The following DENND1B variants were observed in gnomAD, a reference collection of about 807,000 sequenced individuals.
DENND1B encodes the protein DENN domain containing 1B, also known as DENN domain-containing protein 1B.
In DENND1B, 59 loss-of-function variants were observed where a neutral mutation model predicts 90.1. The observed-to-expected ratio is 0.65, with a 90% confidence interval of 0.53 to 0.81. The LOEUF (loss-of-function observed/expected upper bound fraction) is 0.81, where lower values mean the gene tolerates loss of function less well. Among genes scored for constraint, DENND1B ranks in the 40% least tolerant of loss-of-function variants. DENND1B has a pLI of 0.00. For synonymous variants in DENND1B, 337 were observed against 324.6 expected (o/e 1.04, Z -0.41); for missense variants, 862 against 912.6 (o/e 0.94, Z 0.71).
Position 197,595,381 on chromosome 1 carries a change from C to T in DENND1B, c.922-48G>A, listed in dbSNP as rs926987157. On this transcript the variant is annotated intron_variant, in intron 13 of 22. Transcript: ENST00000620048. Reference sequence around the variant, plus strand: ...TAAATTAACACCTCAGAAATTGGTACAGCGAGGTAGGAACCCAATCAGCAG... The same window carrying T: ...TAAATTAACACCTCAGAAATTGGTATAGCGAGGTAGGAACCCAATCAGCAG... 2.5e-6 allele frequency: 4 copies of T among 1,597,660 alleles called. No homozygotes were observed. The African/African-American group carries it at 4.0e-5, about 16-fold the overall frequency.
chr1:197,638,814 C>T (rs961304601), intron 10 of DENND1B, among the ~76,000 whole-genome samples: 1 of 152,036 alleles, frequency 6.6e-6, no homozygotes, highest in Non-Finnish European at 1.5e-5. Context: ...TTACCAGAAA[C>T]CGTTCCATGT....
In DENND1B at chr1:197,555,589, G is replaced by C. The variant is rs150470344; in HGVS notation, c.1150-2477C>G. Among the ~76,000 whole-genome samples, 896 of 152,092 alleles carry C rather than the reference G, an allele frequency of 5.9e-3. 13 individuals are homozygous for C. The highest frequency in any genetic ancestry group is 0.02 in the African/African-American group (839 of 41,538). On this transcript the variant is annotated intron_variant, in intron 15 of 22. Transcript: ENST00000620048. ...CTCAAAAGAAGATATAAGTGGCCAA[G>C]AAACATATGAAAGAATGCTCAACAT...
chr1:197,740,255 C>A (rs576818353), intron 2 of DENND1B, among the ~76,000 whole-genome samples: 1 of 152,158 alleles, frequency 6.6e-6, no homozygotes, highest in South Asian at 2.1e-4. Flanking sequence ...GATGTTGTTC[C>A]AGGGATAGCA....
At chr1:197,631,780 T>C (rs983617771) in intron 10 of DENND1B, among the ~76,000 whole-genome samples, 16 of 152,022 alleles carry the variant, frequency 1.1e-4, no homozygotes, top group Admixed American at 3.3e-4. Flanking sequence ...CTGTTTAACA[T>C]ACATGTGTAT....
rs1357803155 is a variant in DENND1B at position 197,506,422 on chromosome 1, CT to C, written c.*4037del. ...ACATTAAGAAGTGCTTTGGAGGAAA[CT>C]AGATTTGGGGATTCATTTTACATTC... On this transcript the variant is annotated 3_prime_UTR_variant, in exon 23 of 23. Coordinates refer to ENST00000620048, the MANE Select transcript of DENND1B (RefSeq NM_001195215.2). 4 of 151,438 alleles carry C rather than the reference CT, an allele frequency of 2.6e-5. No homozygotes were observed. The highest frequency in any genetic ancestry group is 5.9e-5 in the Non-Finnish European group (4 of 67,600). 9.4% of individuals were successfully genotyped at this position (151,438 alleles called of 1,614,324 possible).
intron 3 of DENND1B, among the ~76,000 whole-genome samples, chr1:197,692,980 A>C (rs901572023): frequency 6.6e-6 from 1 of 151,754 alleles, no homozygotes; most frequent in Admixed American, 6.6e-5. Context: ...AATTAAAAAC[A>C]TCATCTTCCC....
At chr1:197,616,029 A>C (rs1013251031) in intron 11 of DENND1B, among the ~76,000 whole-genome samples, 1 of 151,076 alleles carries the variant, frequency 6.6e-6, no homozygotes, top group African/African-American at 2.4e-5. Context: ...ATTTCTAAAT[A>C]ACATTTTAGA....
At chr1:197,616,914 C>A (rs931661364) in intron 11 of DENND1B, among the ~76,000 whole-genome samples, 3 of 150,586 alleles carry the variant, frequency 2.0e-5, no homozygotes, top group African/African-American at 7.3e-5. Context: ...GATAACATTT[C>A]CCCCCCTAGT....
Position 197,651,029 on chromosome 1 carries a change from T to C in DENND1B, c.447+1206A>G, listed in dbSNP as rs370553248. 3.9e-5 allele frequency among the ~76,000 whole-genome samples: 6 copies of C among 152,054 alleles called. No individual in the cohort carries two copies. In the East Asian group the frequency reaches 9.7e-4, roughly 24 times the overall value. On this transcript the variant is annotated intron_variant, in intron 7 of 22. Transcript: ENST00000620048. ...AATAACTTATGGAAAAATTAAAAAA[T>C]TAATTAATTTTTAAAAAGAAGAAAG...
At chr1:197,655,413 T>C (rs754382231) in intron 6 of DENND1B, among the ~76,000 whole-genome samples, 4 of 152,200 alleles carry the variant, frequency 2.6e-5, no homozygotes, top group Non-Finnish European at 5.9e-5. Context: ...TACAACCCAG[T>C]GTAAATGCTC....
chr1:197,666,001 A>C (rs889492903), intron 5 of DENND1B, among the ~76,000 whole-genome samples: 1 of 152,178 alleles, frequency 6.6e-6, no homozygotes, highest in Non-Finnish European at 1.5e-5. Context: ...ATGCTTCAGT[A>C]TAAAGGCACT....
At chr1:197,659,372 G>C (rs138381878) in intron 5 of DENND1B, among the ~76,000 whole-genome samples, 91 of 151,904 alleles carry the variant, frequency 6.0e-4, no homozygotes, top group Non-Finnish European at 1.1e-3. Context: ...ACTGAAAGTA[G>C]TAATAAAAGA....
chr1:197,734,600 C>T (rs1298208243), intron 2 of DENND1B: 2 of 981,588 alleles, frequency 2.0e-6, no homozygotes, highest in Non-Finnish European at 2.4e-6. Context: ...GACTGCAATA[C>T]ATTACATTCG....
intron 10 of DENND1B, among the ~76,000 whole-genome samples, 181 bp from the exon 11 acceptor site, chr1:197,617,940 T>C (rs1677809973): frequency 1.3e-5 from 2 of 151,162 alleles, no homozygotes; most frequent in Non-Finnish European, 3.0e-5. Context: ...CTCTGAAACA[T>C]ATATAAACAG....
chr1:197,562,960 C>T (rs1262128922), intron 15 of DENND1B, among the ~76,000 whole-genome samples: 1 of 151,880 alleles, frequency 6.6e-6, no homozygotes, highest in Non-Finnish European at 1.5e-5. Context: ...TTCCCCTAAG[C>T]CAAAGACTAA....
chr1:197,714,875 TC>T (rs1452677059), intron 3 of DENND1B, among the ~76,000 whole-genome samples, 155 bp downstream of exon 3: 2 of 152,138 alleles, frequency 1.3e-5, no homozygotes, highest in Non-Finnish European at 2.9e-5. Context: ...TTCCATATAT[TC>T]CGCACACATG....
intron 1 of DENND1B, 141 bp downstream of exon 1, chr1:197,774,998 C>T: frequency 4.6e-6 from 2 of 431,522 alleles, no homozygotes; most frequent in Non-Finnish European, 7.2e-6. Context: ...GCTTGGGGGC[C>T]GGACCGCACC....
At chr1:197,590,028 A>G (rs1480318316) in intron 14 of DENND1B, among the ~76,000 whole-genome samples, 2 of 152,174 alleles carry the variant, frequency 1.3e-5, no homozygotes, top group African/African-American at 4.8e-5. Context: ...TGATACAAAG[A>G]GGTATAACTA....
At chr1:197,529,242 A>ATATATATATG (rs1553277550) in intron 20 of DENND1B, among the ~76,000 whole-genome samples, 13 of 10,858 alleles carry the variant, frequency 1.2e-3, no homozygotes, top group African/African-American at 2.0e-3. Context: ...ATATATATAT[A>ATATATATATG]TGTGTGTGTG....
Sources: allele counts gnomAD v4.1 joint callset (sites outside exome capture counted in the v4.1 genomes callset), GRCh38; gene constraint gnomAD v4.1.1; transcripts MANE v1.5; gene names NCBI Gene and HGNC (gene_info 2026-07-23, HGNC 2026-07-21).